The following NAALADL2 variants were observed in gnomAD, a reference collection of about 807,000 sequenced individuals.
NAALADL2 encodes the protein N-acetylated alpha-linked acidic dipeptidase like 2.
Under a neutral mutation model 87.2 loss-of-function variants are expected in NAALADL2, and 76 were observed. That is an observed-to-expected ratio of 0.87 (90% CI 0.72 to 1.05). The LOEUF (loss-of-function observed/expected upper bound fraction) is 1.05, where lower values mean the gene tolerates loss of function less well. Ranked by LOEUF, NAALADL2 falls within the 50% of genes least tolerant of loss-of-function variation. The pLI, the probability that NAALADL2 is intolerant of heterozygous loss-of-function variation, is 0.00. For missense variants in NAALADL2, 1,089 were observed against 945.8 expected (o/e 1.15, Z -1.99); for synonymous variants, 354 against 331.0 (o/e 1.07, Z -0.75).
chr3:175,278,947 T>C (rs1753931991), intron 4 of NAALADL2, among the ~76,000 whole-genome samples: 1 of 152,172 alleles, frequency 6.6e-6, no homozygotes, highest in Non-Finnish European at 1.5e-5. Context: ...AAAAGTTAGA[T>C]TATATTTTTG....
intron 4 of NAALADL2, among the ~76,000 whole-genome samples, chr3:175,274,909 G>A (rs1321694683): frequency 5.3e-5 from 8 of 152,170 alleles, no homozygotes; most frequent in South Asian, 2.1e-4. Context: ...ACAAAAAGGC[G>A]TTATTCCCTT....
intron 2 of NAALADL2, among the ~76,000 whole-genome samples, chr3:174,572,630 T>C (rs1372612439): frequency 6.6e-6 from 1 of 152,124 alleles, no homozygotes; most frequent in East Asian, 1.9e-4. Context: ...TATAAACCAT[T>C]GTGTCTAATG....
chr3:175,755,228 C>A lies in NAALADL2; in HGVS notation c.1999C>A (p.Pro667Thr), dbSNP rs1384195286. Residue 667 changes from proline (P) to threonine (T), a missense_variant, in exon 13 of 14, where the codon CCC (proline) becomes ACC (threonine). By Grantham distance (38) the Pro-to-Thr change is conservative. Transcript: ENST00000454872. ...TCATTTATCTTCACCAGGTGATCAA[C>A]CCAACACTCATCAACTGTTAGCCAT... ...EVQNNLKGDQPNTHQLLAMAL... is the reference protein window; with the variant it reads ...EVQNNLKGDQTNTHQLLAMAL... The A allele has an allele frequency of 3.7e-6, 6 of 1,612,452 alleles. No homozygotes were observed. Among genetic ancestry groups the A allele is most frequent in the South Asian group, 1.1e-5 (1 of 90,770 alleles).
chr3:175,404,816 C>T (rs975501560), intron 5 of NAALADL2, among the ~76,000 whole-genome samples: 4 of 152,156 alleles, frequency 2.6e-5, no homozygotes, highest in Admixed American at 2.0e-4. Flanking sequence ...TTACTACTAT[C>T]CATGTGGTGA....
intron 2 of NAALADL2, among the ~76,000 whole-genome samples, chr3:175,221,562 A>T (rs1041997844): frequency 1.3e-5 from 2 of 151,972 alleles, no homozygotes; most frequent in Non-Finnish European, 2.9e-5. Flanking sequence ...TCTAACTTTG[A>T]TTGCTGATTT....
intron 3 of NAALADL2, among the ~76,000 whole-genome samples, chr3:174,800,506 C>A (rs531886617): frequency 9.2e-5 from 14 of 152,122 alleles, no homozygotes; most frequent in Non-Finnish European, 1.2e-4. Flanking sequence ...GATGCCCAGG[C>A]AAAAGTTTGG....
intron 1 of NAALADL2, among the ~76,000 whole-genome samples, chr3:174,957,253 T>A (rs1741283451): frequency 6.6e-6 from 1 of 151,912 alleles, no homozygotes; most frequent in Non-Finnish European, 1.5e-5. Context: ...TCATTCTTTT[T>A]CTCACCTCCC....
intron 10 of NAALADL2, among the ~76,000 whole-genome samples, chr3:175,617,057 T>G (rs1725443154): frequency 6.6e-6 from 1 of 152,134 alleles, no homozygotes; most frequent in Non-Finnish European, 1.5e-5. Context: ...TATCCCCACC[T>G]AGCAGAGGAG....
At chr3:175,017,531 G>C (rs1751000045) in intron 1 of NAALADL2, among the ~76,000 whole-genome samples, 1 of 152,044 alleles carries the variant, frequency 6.6e-6, no homozygotes, top group Non-Finnish European at 1.5e-5. Context: ...TGTATTGTCA[G>C]TGTGCCCTGG....
intron 1 of NAALADL2, among the ~76,000 whole-genome samples, chr3:174,916,951 T>C (rs2108329924): frequency 1.3e-5 from 2 of 152,280 alleles, no homozygotes; most frequent in Admixed American, 1.3e-4. Flanking sequence ...TCATTATCTC[T>C]ACTAGATTTC....
intron 1 of NAALADL2, among the ~76,000 whole-genome samples, chr3:174,441,466 G>A (rs1714614968): frequency 6.6e-6 from 1 of 152,154 alleles, no homozygotes; most frequent in Admixed American, 6.5e-5. Context: ...CGCTAGCGGG[G>A]CGCAGGTAAA....
At chr3:174,615,095 G>A (rs551229746) in intron 2 of NAALADL2, among the ~76,000 whole-genome samples, 1 of 152,276 alleles carries the variant, frequency 6.6e-6, no homozygotes, top group Non-Finnish European at 1.5e-5. Flanking sequence ...CGTAGGGCAA[G>A]GAAAATTATC....
intron 2 of NAALADL2, among the ~76,000 whole-genome samples, chr3:175,220,030 G>T (rs1278420971): frequency 1.3e-5 from 2 of 151,460 alleles, no homozygotes; most frequent in Non-Finnish European, 2.9e-5. Context: ...TGGTAAGTCA[G>T]AATGTTTGAT....
chr3:174,740,823 T>A (rs1733693186), intron 3 of NAALADL2, among the ~76,000 whole-genome samples: 1 of 151,790 alleles, frequency 6.6e-6, no homozygotes. Context: ...TTAGAGCCAT[T>A]TTTATGCTGC....
At chr3:175,095,403 A>G (rs186048621) in intron 1 of NAALADL2, among the ~76,000 whole-genome samples, 4 of 152,084 alleles carry the variant, frequency 2.6e-5, no homozygotes, top group Admixed American at 2.0e-4. Flanking sequence ...TTCTGTCTTC[A>G]TTACCTATCT....
intron 3 of NAALADL2, among the ~76,000 whole-genome samples, chr3:174,797,784 A>G (rs943113676): frequency 6.6e-6 from 1 of 152,174 alleles, no homozygotes; most frequent in Non-Finnish European, 1.5e-5. Flanking sequence ...ATATCTGATA[A>G]GGTATGTACA....
intron 2 of NAALADL2, among the ~76,000 whole-genome samples, chr3:174,657,041 CTTTTTTT>C (rs60569510): frequency 7.3e-4 from 84 of 115,804 alleles, no homozygotes; most frequent in Admixed American, 5.0e-3. Context: ...TTTCCTTCTT[CTTTTTTT>C]TTTTTTTTTT....
At chr3:174,652,944 A>G (rs1449573482) in intron 2 of NAALADL2, among the ~76,000 whole-genome samples, 2 of 152,204 alleles carry the variant, frequency 1.3e-5, no homozygotes, top group Admixed American at 6.5e-5. Context: ...AGAGCCAGTA[A>G]TCATATGAAA....
intron 10 of NAALADL2, among the ~76,000 whole-genome samples, chr3:175,588,699 T>C (rs1023469822): frequency 6.6e-6 from 1 of 152,028 alleles, no homozygotes; most frequent in East Asian, 1.9e-4. Flanking sequence ...CCACCACACC[T>C]GGCTAATGTT....
Sources: gnomAD v4.1 joint callset for allele counts (sites outside exome capture counted in the v4.1 genomes callset) on GRCh38, gnomAD v4.1.1 for gene constraint, MANE v1.5 for transcripts, NCBI Gene and HGNC (gene_info 2026-07-23, HGNC 2026-07-21) for gene names.